Variants in CWF19L2 observed in about 807,000 individuals in gnomAD.
The protein encoded by CWF19L2 is CWF19-like protein 2.
In CWF19L2, 98 loss-of-function variants were observed where a neutral mutation model predicts 111.7. The observed-to-expected ratio is 0.88, with a 90% CI of 0.75 to 1.04. The LOEUF (loss-of-function observed/expected upper bound fraction) is 1.04, where lower values mean the gene tolerates loss of function less well. Among genes scored for constraint, CWF19L2 ranks in the 50% least tolerant of loss-of-function variants. The pLI, the probability that CWF19L2 is intolerant of heterozygous loss-of-function variation, is 0.00. For synonymous variants in CWF19L2, 351 were observed against 342.9 expected, an observed-to-expected ratio of 1.02 and a Z score of -0.26; for missense variants, 1,101 against 1,051.4, an observed-to-expected ratio of 1.05 and a Z score of -0.65.
chr11:107,403,179 C>G (rs7358411), intron 10 of CWF19L2, among the ~76,000 whole-genome samples: 2,539 of 150,848 alleles, frequency 0.017, 74 homozygotes, highest in African/African-American at 0.058. Context: ...GATGGGTGCA[C>G]AAAATCTCAC....
rs547845565 is a variant in CWF19L2, at chr11:107,370,829, G to A, written c.1873-17093C>T. Among the ~76,000 whole-genome samples the A allele has an allele frequency of 3.6e-5, 5 of 136,990 alleles. 1 individual carries two copies. The highest frequency in any genetic ancestry group is 1.4e-4 in the Admixed American group (2 of 13,978). 89.9% of individuals were successfully genotyped at this position (136,990 alleles called of 152,430 possible). Reference sequence around the variant, plus strand: ...AATATTTGTATGTCCAAAAGAATCGGGAGCATTATAACTAATTCCTGTCAT... The same window carrying A: ...AATATTTGTATGTCCAAAAGAATCGAGAGCATTATAACTAATTCCTGTCAT... On this transcript the variant is annotated intron_variant, in intron 12 of 17. Coordinates refer to ENST00000282251, the MANE Select transcript of CWF19L2 (RefSeq NM_152434.3).
At chr11:107,368,043 A>C (rs1211890303) in intron 12 of CWF19L2, among the ~76,000 whole-genome samples, 1 of 136,698 alleles carries the variant, frequency 7.3e-6, no homozygotes, top group Non-Finnish European at 1.6e-5. Flanking sequence ...ACACCTCAAG[A>C]AACTAGAGAA....
At chr11:107,385,541 A>G (rs1860752570) in intron 12 of CWF19L2, among the ~76,000 whole-genome samples, 1 of 152,234 alleles carries the variant, frequency 6.6e-6, no homozygotes, top group Non-Finnish European at 1.5e-5. Flanking sequence ...AAAGTAATGA[A>G]GATGCAATTA....
At chr11:107,378,003 A>T (rs1244211652) in intron 12 of CWF19L2, among the ~76,000 whole-genome samples, 2 of 152,026 alleles carry the variant, frequency 1.3e-5, no homozygotes, top group Non-Finnish European at 2.9e-5. Context: ...GCAGCCAAAA[A>T]ACACATGAAA....
chr11:107,326,867 C>T lies in CWF19L2; in HGVS notation c.*43G>A. 6.6e-7 allele frequency: 1 copy of T among 1,520,388 alleles called. No individual in the cohort carries two copies. The highest frequency in any genetic ancestry group is 8.8e-7 in the Non-Finnish European group (1 of 1,130,672). The allele number at this position is 1,520,388 out of a possible 1,614,324, so 94.2% of individuals were successfully genotyped here. ...TTCATTAGATGCAATGGAAATAAAA[C>T]TGAACGGGATCTGAAGAAAAATTTT... On this transcript the variant is annotated 3_prime_UTR_variant, in exon 18 of 18. Transcript: ENST00000282251.
chr11:107,381,912 G>C (rs1411618853), intron 12 of CWF19L2, among the ~76,000 whole-genome samples: 1 of 151,900 alleles, frequency 6.6e-6, no homozygotes, highest in Non-Finnish European at 1.5e-5. Context: ...AATAACTTAA[G>C]GTAAAATCCT....
At chr11:107,327,445 T>G (rs927701555) in intron 17 of CWF19L2, among the ~76,000 whole-genome samples, 1 of 152,228 alleles carries the variant, frequency 6.6e-6, no homozygotes, top group African/African-American at 2.4e-5. Context: ...CAACTGCAGT[T>G]GAATCCCAAG....
intron 17 of CWF19L2, among the ~76,000 whole-genome samples, chr11:107,328,794 G>A (rs1308201690): frequency 6.6e-6 from 1 of 151,868 alleles, no homozygotes; most frequent in East Asian, 1.9e-4. Flanking sequence ...AAGCTCTACT[G>A]TATAACAACA....
chr11:107,361,789 A>G (rs1229290622), intron 12 of CWF19L2, among the ~76,000 whole-genome samples: 1 of 152,232 alleles, frequency 6.6e-6, no homozygotes, highest in Non-Finnish European at 1.5e-5. Context: ...TATGGTGTAT[A>G]GAAATGCTAC....
intron 7 of CWF19L2, among the ~76,000 whole-genome samples, chr11:107,431,231 T>A (rs566587074): frequency 6.6e-6 from 1 of 151,832 alleles, no homozygotes; most frequent in African/African-American, 2.4e-5. Flanking sequence ...ACAAAATAAT[T>A]ATTTGCATAT....
chr11:107,445,773 C>T (rs11212242), intron 3 of CWF19L2, among the ~76,000 whole-genome samples: 45,436 of 151,920 alleles, frequency 0.3, 7,653 homozygotes, highest in African/African-American at 0.44. Context: ...ATCTGACCAC[C>T]GTACTTCTCT....
intron 3 of CWF19L2, among the ~76,000 whole-genome samples, chr11:107,443,928 C>T (rs1861666820): frequency 6.6e-6 from 1 of 152,142 alleles, no homozygotes; most frequent in Non-Finnish European, 1.5e-5. Context: ...ATGGCTGTGC[C>T]TATCCTTATT....
At chr11:107,397,851 G>A (rs937807048) in intron 10 of CWF19L2, among the ~76,000 whole-genome samples, 1 of 151,646 alleles carries the variant, frequency 6.6e-6, no homozygotes, top group Non-Finnish European at 1.5e-5. Flanking sequence ...AGGACTCTGT[G>A]AAAACCCCCC....
intron 10 of CWF19L2, among the ~76,000 whole-genome samples, chr11:107,413,987 T>C (rs559423167): frequency 2.6e-4 from 40 of 152,304 alleles, no homozygotes; most frequent in African/African-American, 9.4e-4. Flanking sequence ...AGAGGTATCA[T>C]GTAAAAACAA....
At chr11:107,455,884 T>C (rs946557066) in intron 1 of CWF19L2, 108 bp from the exon 2 acceptor site, 9 of 620,566 alleles carry the variant, frequency 1.5e-5, no homozygotes, top group Non-Finnish European at 2.0e-5. Flanking sequence ...TATCCACTCA[T>C]GAATGAATGT....
At chr11:107,348,139 A>G (rs1484062727) in intron 14 of CWF19L2, among the ~76,000 whole-genome samples, 2 of 152,174 alleles carry the variant, frequency 1.3e-5, no homozygotes, top group African/African-American at 2.4e-5. Flanking sequence ...AAGGTATACA[A>G]GACTAAATTT....
At chr11:107,430,848 A>G (rs1016622827) in intron 7 of CWF19L2, among the ~76,000 whole-genome samples, 2 of 151,942 alleles carry the variant, frequency 1.3e-5, no homozygotes, top group South Asian at 2.1e-4. Context: ...AAAATTTGCT[A>G]AGAGAGTAGA....
intron 10 of CWF19L2, among the ~76,000 whole-genome samples, chr11:107,414,138 T>A (rs1861193922): frequency 6.6e-6 from 1 of 152,174 alleles, no homozygotes; most frequent in Admixed American, 6.5e-5. Context: ...CTGTGAAAAT[T>A]GCATGAGTTA....
chr11:107,351,134 A>G (rs988509147), intron 13 of CWF19L2, among the ~76,000 whole-genome samples: 1 of 152,228 alleles, frequency 6.6e-6, no homozygotes, highest in Non-Finnish European at 1.5e-5. Context: ...AAAGAGGCAG[A>G]AAGACCCATT....
Sources: allele counts gnomAD v4.1 joint callset (sites outside exome capture counted in the v4.1 genomes callset), GRCh38; gene constraint gnomAD v4.1.1; transcripts MANE v1.5; gene names NCBI Gene and HGNC (gene_info 2026-07-23, HGNC 2026-07-21).